Variants in LDLRAD3 observed in about 807,000 individuals in gnomAD.
LDLRAD3 encodes the protein low density lipoprotein receptor class A domain containing 3, also known as low-density lipoprotein receptor class A domain-containing protein 3.
A neutral mutation model predicts 29.4 loss-of-function variants in LDLRAD3; 20 were observed. That is an observed-to-expected ratio of 0.68 (90% CI 0.48 to 0.99). LDLRAD3 has a LOEUF of 0.99. Ranked by LOEUF, LDLRAD3 falls within the 50% of genes least tolerant of loss-of-function variation. LDLRAD3 has a pLI of 0.00. For synonymous variants in LDLRAD3, 157 were observed against 192.7 expected (o/e 0.81, Z 1.53); for missense variants, 420 against 454.3 (o/e 0.92, Z 0.69).
At chr11:36,181,855 A>G (rs1854768631) in intron 4 of LDLRAD3, among the ~76,000 whole-genome samples, 1 of 152,124 alleles carries the variant, frequency 6.6e-6, no homozygotes, top group African/African-American at 2.4e-5. Context: ...GAGAGGATGG[A>G]AGTCAGTTGT....
intron 2 of LDLRAD3, among the ~76,000 whole-genome samples, chr11:36,072,665 G>C (rs1196623871): frequency 6.6e-6 from 1 of 152,184 alleles, no homozygotes; most frequent in Non-Finnish European, 1.5e-5. Context: ...AGACCAGTCT[G>C]ACCCTAAATA....
intron 1 of LDLRAD3, among the ~76,000 whole-genome samples, chr11:36,019,530 A>G (rs1335448459): frequency 1.3e-5 from 2 of 152,166 alleles, no homozygotes; most frequent in African/African-American, 2.4e-5. Flanking sequence ...GCTTCCAGGA[A>G]TGGGGTGGCC....
chr11:36,036,050 G>A (rs1011046183), intron 1 of LDLRAD3, 53 bp from the exon 2 acceptor site: 22 of 1,578,446 alleles, frequency 1.4e-5, no homozygotes, highest in Admixed American at 1.8e-5. Flanking sequence ...GTTGAGGGGC[G>A]CTGAGGTCCC....
chr11:36,194,260 T>C (rs1854999100), intron 4 of LDLRAD3, among the ~76,000 whole-genome samples: 1 of 152,138 alleles, frequency 6.6e-6, no homozygotes, highest in Non-Finnish European at 1.5e-5. Flanking sequence ...GAGGTTTGTT[T>C]CCCACTTGCT....
chr11:36,101,894 T>G (rs1469839754), intron 4 of LDLRAD3: 16 of 341,652 alleles, frequency 4.7e-5, no homozygotes, highest in Non-Finnish European at 6.2e-5. Flanking sequence ...TCTTTTTTTT[T>G]TTTTTTTTTT....
At position 36,200,508 on chromosome 11, in the gene LDLRAD3, G is replaced by A. The variant is rs1008401121; in HGVS notation, c.455-26577G>A. Among the ~76,000 whole-genome samples, 8 of 152,114 alleles carry A rather than the reference G, an allele frequency of 5.3e-5. No individual in the cohort carries two copies. In the East Asian group the frequency reaches 5.8e-4, roughly 11 times the overall value. On this transcript the variant is annotated intron_variant, in intron 4 of 5. Coordinates refer to ENST00000315571, the MANE Select transcript of LDLRAD3 (RefSeq NM_174902.4). The stretch of plus-strand genomic sequence containing the variant: ...ACATACATTCAGTCCATAACAATCC[G>A]TTTTCAGGACTCAGGGTCAAGAAAG...
intron 4 of LDLRAD3, among the ~76,000 whole-genome samples, chr11:36,209,586 C>T (rs1855256669): frequency 6.6e-6 from 1 of 152,076 alleles, no homozygotes; most frequent in African/African-American, 2.4e-5. Context: ...TCTCGAACTA[C>T]TGACCTCGTG....
chr11:36,028,494 GGCTAAAGTCA>G (rs139504963), intron 1 of LDLRAD3, among the ~76,000 whole-genome samples: 2,027 of 152,174 alleles, frequency 0.013, 40 homozygotes, highest in African/African-American at 0.046. Context: ...TTGGCAAATG[GGCTAAAGTCA>G]GCCATCACCT....
rs762163660 is a variant in LDLRAD3, at chr11:36,227,104, G to GT, written c.477dup (p.Val160CysfsTer78). On this transcript the variant is annotated frameshift_variant, in exon 5 of 6. Transcript: ENST00000315571. LOFTEE classifies it high-confidence loss of function. ...TCTCAGAACCCGGCAGTGGGCAGGT[G>GT]TTTGTGACTTCAGAGAACCAACTTG... is the stretch of plus-strand genomic sequence containing the variant. The GT allele has an allele frequency of 6.3e-7, 1 of 1,599,232 alleles. No individual in the cohort carries two copies. The highest frequency in any genetic ancestry group is 1.3e-5 in the African/African-American group (1 of 74,686).
At chr11:36,174,160 T>C (rs1273214585) in intron 4 of LDLRAD3, among the ~76,000 whole-genome samples, 3 of 152,146 alleles carry the variant, frequency 2.0e-5, no homozygotes, top group Admixed American at 6.5e-5. Context: ...TGGGTAGCCA[T>C]ATGGAGAAAG....
At chr11:36,166,328 C>A (rs4755439) in intron 4 of LDLRAD3, among the ~76,000 whole-genome samples, 111,226 of 152,044 alleles carry the variant, frequency 0.73, 41,577 homozygotes, top group Middle Eastern at 0.86. Context: ...ACACTGTCAC[C>A]AGGTAATCAC....
chr11:36,132,701 C>A (rs554854090), intron 4 of LDLRAD3, among the ~76,000 whole-genome samples: 23 of 152,304 alleles, frequency 1.5e-4, no homozygotes, highest in African/African-American at 5.3e-4. Flanking sequence ...CACTTTTGAG[C>A]GCCTTACAGT....
chr11:36,027,439 C>T (rs1001977686), intron 1 of LDLRAD3, among the ~76,000 whole-genome samples: 22 of 152,280 alleles, frequency 1.4e-4, no homozygotes, highest in Non-Finnish European at 1.6e-4. Context: ...GCTTCTCTTT[C>T]AACTTTGTTT....
At chr11:36,115,278 A>T (rs1196942390) in intron 4 of LDLRAD3, among the ~76,000 whole-genome samples, 1 of 152,196 alleles carries the variant, frequency 6.6e-6, no homozygotes, top group Non-Finnish European at 1.5e-5. Flanking sequence ...TTCCTAAACC[A>T]TAGAAACTGT....
intron 4 of LDLRAD3, among the ~76,000 whole-genome samples, chr11:36,126,438 G>A (rs1490807857): frequency 6.6e-6 from 1 of 152,174 alleles, no homozygotes; most frequent in Non-Finnish European, 1.5e-5. Context: ...ATTGGAGAGA[G>A]TAAGTTATCA....
At chr11:36,053,699 T>C (rs531762457) in intron 2 of LDLRAD3, among the ~76,000 whole-genome samples, 1 of 152,284 alleles carries the variant, frequency 6.6e-6, no homozygotes, top group East Asian at 1.9e-4. Flanking sequence ...AAGAGACTTA[T>C]GTTCATGGTT....
chr11:36,097,439 C>T (rs1340527287), intron 3 of LDLRAD3, among the ~76,000 whole-genome samples: 2 of 152,202 alleles, frequency 1.3e-5, no homozygotes, highest in African/African-American at 2.4e-5. Context: ...CCTTATGCTA[C>T]CAGCCATTCA....
chr11:35,959,697 G>A (rs1851251957), intron 1 of LDLRAD3, among the ~76,000 whole-genome samples: 1 of 152,082 alleles, frequency 6.6e-6, no homozygotes, highest in Non-Finnish European at 1.5e-5. Flanking sequence ...TGAGGCTGGT[G>A]GATCACTTGA....
At chr11:36,186,656 C>T (rs1359905030) in intron 4 of LDLRAD3, among the ~76,000 whole-genome samples, 4 of 152,140 alleles carry the variant, frequency 2.6e-5, no homozygotes, top group Non-Finnish European at 5.9e-5. Flanking sequence ...GATAGCACTA[C>T]CAGGCAGGTC....
Sources: allele counts gnomAD v4.1 joint callset (sites outside exome capture counted in the v4.1 genomes callset), GRCh38; gene constraint gnomAD v4.1.1; transcripts MANE v1.5; gene names NCBI Gene and HGNC (gene_info 2026-07-23, HGNC 2026-07-21).